Variants in CNTN6 observed in about 807,000 individuals in gnomAD.
CNTN6 encodes the protein contactin-6.
A neutral mutation model predicts 122.8 loss-of-function variants in CNTN6; 137 were observed. The observed-to-expected ratio is 1.12, with a 90% CI of 0.97 to 1.29. The LOEUF is 1.29. Ranked by LOEUF, CNTN6 falls within the 50% of genes most tolerant of loss-of-function variation. The pLI is 0.00. For missense variants in CNTN6, 1,634 were observed against 1,223.4 expected (o/e 1.34, Z -5.01); for synonymous variants, 570 against 426.0 (o/e 1.34, Z -4.16).
At chr3:1,320,320 T>C (rs890262729) in intron 7 of CNTN6, among the ~76,000 whole-genome samples, 11 of 151,746 alleles carry the variant, frequency 7.2e-5, no homozygotes, top group African/African-American at 2.7e-4. Context: ...ATTTTTATCC[T>C]TGTGCTTTAT....
At chr3:1,198,077 A>T (rs1030138285) in intron 2 of CNTN6, among the ~76,000 whole-genome samples, 9 of 152,194 alleles carry the variant, frequency 5.9e-5, no homozygotes, top group African/African-American at 2.2e-4. Flanking sequence ...GCATTCTAAG[A>T]GATGCTGGAG....
At chr3:1,319,155 G>C (rs1700506416) in intron 7 of CNTN6, among the ~76,000 whole-genome samples, 1 of 151,476 alleles carries the variant, frequency 6.6e-6, no homozygotes, top group Non-Finnish European at 1.5e-5. Flanking sequence ...AAATACCTAG[G>C]CTTCAAGGGA....
chr3:1,115,358 T>C (rs1469473086), intron 1 of CNTN6, among the ~76,000 whole-genome samples: 1 of 152,126 alleles, frequency 6.6e-6, no homozygotes, highest in Non-Finnish European at 1.5e-5. Context: ...AAGTAATTAC[T>C]GGCATTATGA....
At position 1,369,950 on chromosome 3, in the gene CNTN6, A is replaced by G. The variant is rs545408756; in HGVS notation, c.1493-2349A>G. On this transcript the variant is annotated intron_variant, in intron 12 of 22. Coordinates refer to ENST00000446702, the MANE Select transcript of CNTN6 (RefSeq NM_001289080.2). ...TCATACATTTTATTTCAGTCAATTA[A>G]ATTACAAAACAATACAAGCTTTTTA... 1.2e-4 allele frequency among the ~76,000 whole-genome samples: 18 copies of G among 152,050 alleles called. No individual in the cohort carries two copies. The South Asian group carries it at 3.5e-3, about 30-fold the overall frequency.
At chr3:1,329,424 G>A (rs187055472) in intron 10 of CNTN6, among the ~76,000 whole-genome samples, 63 of 151,566 alleles carry the variant, frequency 4.2e-4, no homozygotes, top group African/African-American at 1.5e-3. Flanking sequence ...TGTCTAACTT[G>A]CCTCCTCTCT....
intron 7 of CNTN6, among the ~76,000 whole-genome samples, chr3:1,306,867 A>G (rs978985126): frequency 6.6e-6 from 1 of 152,192 alleles, no homozygotes; most frequent in Non-Finnish European, 1.5e-5. Flanking sequence ...CTTCCCCAGA[A>G]GAATAGATTT....
chr3:1,378,750 TGG>T (rs989869591), intron 17 of CNTN6, among the ~76,000 whole-genome samples: 2 of 152,188 alleles, frequency 1.3e-5, no homozygotes, highest in Non-Finnish European at 2.9e-5. Context: ...GTGACATCAT[TGG>T]GCAGAGAAGC....
chr3:1,267,487 G>A (rs543703495), intron 4 of CNTN6, among the ~76,000 whole-genome samples: 76 of 152,220 alleles, frequency 5.0e-4, no homozygotes, highest in African/African-American at 1.8e-3. Flanking sequence ...CAGTAATTAA[G>A]AGGTCCCCGG....
intron 1 of CNTN6, among the ~76,000 whole-genome samples, chr3:1,137,176 A>G (rs1207426056): frequency 6.6e-6 from 1 of 152,136 alleles, no homozygotes. Flanking sequence ...GCCTTCCAAG[A>G]CTGGGCAGGT....
intron 1 of CNTN6, among the ~76,000 whole-genome samples, chr3:1,130,579 A>G (rs1043297519): frequency 6.6e-6 from 1 of 152,138 alleles, no homozygotes; most frequent in Non-Finnish European, 1.5e-5. Context: ...AGTTGATGAC[A>G]CTGGCAAATG....
chr3:1,273,901 T>C (rs573924638), intron 4 of CNTN6, among the ~76,000 whole-genome samples: 1 of 152,318 alleles, frequency 6.6e-6, no homozygotes, highest in South Asian at 2.1e-4. Context: ...GACTTCTGAT[T>C]AACACTGAAA....
At chr3:1,349,000 G>A (rs771900897) in intron 11 of CNTN6, among the ~76,000 whole-genome samples, 6 of 151,728 alleles carry the variant, frequency 4.0e-5, no homozygotes, top group Admixed American at 1.3e-4. Context: ...TTTTATTTTC[G>A]CATCCCCATT....
intron 1 of CNTN6, among the ~76,000 whole-genome samples, chr3:1,121,152 A>G (rs79295044): frequency 0.039 from 4,783 of 122,034 alleles, no homozygotes; most frequent in South Asian, 0.053. Context: ...TTTTCTATGT[A>G]ACTCCCTTTC....
At chr3:1,368,351 G>T (rs1708521779) in intron 12 of CNTN6, among the ~76,000 whole-genome samples, 1 of 152,074 alleles carries the variant, frequency 6.6e-6, no homozygotes, top group East Asian at 1.9e-4. Context: ...AAACAGATTT[G>T]TATAAAGAGT....
At chr3:1,218,161 G>A (rs1429801031) in intron 2 of CNTN6, among the ~76,000 whole-genome samples, 1 of 152,016 alleles carries the variant, frequency 6.6e-6, no homozygotes, top group Non-Finnish European at 1.5e-5. Flanking sequence ...CAGAGCCCAA[G>A]TAAGGTGAGA....
intron 20 of CNTN6, among the ~76,000 whole-genome samples, chr3:1,386,295 T>TCACATGTGATCCTA (rs1692919399): frequency 6.6e-6 from 1 of 152,202 alleles, no homozygotes; most frequent in Non-Finnish European, 1.5e-5. Context: ...CCGAGTATAT[T>TCACATGTGATCCTA]CACATGTGAT....
At chr3:1,313,347 T>C (rs370448166) in intron 7 of CNTN6, among the ~76,000 whole-genome samples, 2 of 152,082 alleles carry the variant, frequency 1.3e-5, no homozygotes, top group Admixed American at 6.6e-5. Context: ...GGTAGTAAAA[T>C]TCTTAGAGAA....
chr3:1,283,764 C>T (rs1693873837), intron 5 of CNTN6, among the ~76,000 whole-genome samples: 1 of 152,082 alleles, frequency 6.6e-6, no homozygotes, highest in Non-Finnish European at 1.5e-5. Flanking sequence ...CTTTGGGAGG[C>T]CAAGGTGGGC....
intron 11 of CNTN6, among the ~76,000 whole-genome samples, chr3:1,332,203 A>G (rs1702385548): frequency 6.6e-6 from 1 of 151,972 alleles, no homozygotes; most frequent in Non-Finnish European, 1.5e-5. Flanking sequence ...TACAGTCACT[A>G]CATCTCCACC....
Sources: gnomAD v4.1 joint callset for allele counts (sites outside exome capture counted in the v4.1 genomes callset) on GRCh38, gnomAD v4.1.1 for gene constraint, MANE v1.5 for transcripts, NCBI Gene and HGNC (gene_info 2026-07-23, HGNC 2026-07-21) for gene names.